The following SP140 variants were observed in gnomAD, a reference collection of about 807,000 sequenced individuals.
SP140 encodes nuclear body protein SP140.
In SP140, 81 loss-of-function variants were observed where a neutral mutation model predicts 125.0. The ratio of observed to expected loss-of-function variants is 0.65; its 90% confidence interval spans 0.54 to 0.78. SP140 has a LOEUF of 0.78. SP140 is among the 30% of genes least tolerant of loss of function. The pLI is 0.00. For missense variants in SP140, 858 were observed against 1,037.0 expected, an observed-to-expected ratio of 0.83 and a Z score of 2.37; for synonymous variants, 312 against 354.0, an observed-to-expected ratio of 0.88 and a Z score of 1.33.
rs753756074 is a variant in SP140, at chr2:230,312,765, G to A, written c.*81G>A. 8.8e-6 allele frequency: 9 copies of A among 1,026,840 alleles called. No individual in the cohort carries two copies. The highest frequency in any genetic ancestry group is 1.4e-5 in the Non-Finnish European group (9 of 655,794). 63.6% of individuals were successfully genotyped at this position (1,026,840 alleles called of 1,614,324 possible). On this transcript the variant is annotated 3_prime_UTR_variant, in exon 27 of 27. Transcript: ENST00000392045. ...GGTTTGCCACTGACTTCAAAATGAGGTCACTTGGGCACAGCACATGCAGGG... is the reference window on the plus strand; with the variant it reads ...GGTTTGCCACTGACTTCAAAATGAGATCACTTGGGCACAGCACATGCAGGG...
intron 12 of SP140, among the ~76,000 whole-genome samples, chr2:230,257,465 G>C (rs1156527161): frequency 6.6e-6 from 1 of 152,146 alleles, no homozygotes; most frequent in African/African-American, 2.4e-5. Flanking sequence ...GATATCACTA[G>C]TAGAAGGGGC....
At chr2:230,229,569 G>A (rs947637568) in intron 1 of SP140, among the ~76,000 whole-genome samples, 5 of 136,476 alleles carry the variant, frequency 3.7e-5, no homozygotes, top group South Asian at 2.5e-4. Context: ...CTGGGTTCAC[G>A]CCATTCTCCT....
At chr2:230,267,946 G>A (rs888549490) in intron 12 of SP140, among the ~76,000 whole-genome samples, 15 of 152,206 alleles carry the variant, frequency 9.9e-5, no homozygotes, top group African/African-American at 3.6e-4. Flanking sequence ...TTTGGCTACT[G>A]TCTAATGGAC....
At chr2:230,203,700 A>G (rs1048149381) in intron 1 of SP140, 3 of 152,218 alleles carry the variant, frequency 2.0e-5, no homozygotes, top group Non-Finnish European at 4.4e-5. Context: ...TGTGGTATGT[A>G]TATTTTCAGC....
chr2:230,254,848 C>T lies in SP140; in HGVS notation c.1160-604C>T, dbSNP rs181781369. 7.9e-3 allele frequency among the ~76,000 whole-genome samples: 1,200 copies of T among 152,290 alleles called. 9 individuals carry two copies. Among genetic ancestry groups the T allele is most frequent in the South Asian group, 0.018 (85 of 4,818 alleles). The stretch of plus-strand genomic sequence containing the variant: ...TCTCATCTCTACTAATGGCATCAAT[C>T]ATTTCAGGAGCTGCAATGATCTGAT... On this transcript the variant is annotated intron_variant, in intron 11 of 26. Coordinates refer to ENST00000392045, the MANE Select transcript of SP140 (RefSeq NM_007237.5).
At chr2:230,249,370 C>G (rs77796050) in intron 9 of SP140, among the ~76,000 whole-genome samples, 1 of 152,088 alleles carries the variant, frequency 6.6e-6, no homozygotes, top group Non-Finnish European at 1.5e-5. Flanking sequence ...TGTGAAAGAC[C>G]GAAGGCTTGC....
chr2:230,269,940 G>C lies in SP140; in HGVS notation c.1431G>C (p.Ala477=). The change falls in exon 14 of 27, where the codon GCG becomes GCC. Residue 477 remains alanine, a synonymous_variant. Coordinates refer to ENST00000392045, the MANE Select transcript of SP140 (RefSeq NM_007237.5). ...AAGCAAGGACGGAAAGTGATCAAGCGTGTGGCACAATGGGTAAGGCTGTCT... is the reference window on the plus strand; with the variant it reads ...AAGCAAGGACGGAAAGTGATCAAGCCTGTGGCACAATGGGTAAGGCTGTCT... ...SPEARTESDQ[A]CGTMDTVDIA... is the part of the protein sequence containing the mutation. The C allele has an allele frequency of 6.2e-7, 1 of 1,613,148 alleles. No homozygotes were observed.
At chr2:230,253,261 G>T in intron 10 of SP140, 55 bp from the exon 11 acceptor site, 1 of 1,285,490 alleles carries the variant, frequency 7.8e-7, no homozygotes, top group Non-Finnish European at 1.1e-6. Flanking sequence ...TTCCCATCTT[G>T]GATGGCGTGA....
Position 230,278,514 on chromosome 2 carries a change from A to T in SP140, c.1499-5832A>T, listed in dbSNP as rs118183295. Among the ~76,000 whole-genome samples the T allele has an allele frequency of 1.4e-4, 22 of 152,100 alleles. No homozygotes were observed. The East Asian group carries it at 3.3e-3, about 23-fold the overall frequency. On this transcript the variant is annotated intron_variant, in intron 15 of 26. Transcript: ENST00000392045. ...AAGCTTTTTAGAGTGATGTAGGTCC[A>T]CTTGTTTATTTTTGCTTTTGTTCCT...
At chr2:230,203,828 T>C (rs901249750) in intron 1 of SP140, 1 of 152,152 alleles carries the variant, frequency 6.6e-6, no homozygotes, top group African/African-American at 2.4e-5. Context: ...AATATCTCTG[T>C]TGGGCTGCGG....
At chr2:230,205,148 T>C (rs2043625521) in intron 1 of SP140, among the ~76,000 whole-genome samples, 1 of 152,180 alleles carries the variant, frequency 6.6e-6, no homozygotes, top group African/African-American at 2.4e-5. Flanking sequence ...CCAATAGACC[T>C]TGTCAATATG....
the SP140 span, among the ~76,000 whole-genome samples, chr2:230,195,197 GT>G: frequency 1.3e-5 from 2 of 151,516 alleles, no homozygotes; most frequent in African/African-American, 4.9e-5. Flanking sequence ...TTTTTTTCCT[GT>G]TTTCCCTGAC....
At position 230,229,456 on chromosome 2, in the gene SP140, C is replaced by CTTTTTTT. The variant is rs1163771237; in HGVS notation, c.59+3576_59+3582dup. Among the ~76,000 whole-genome samples, 19 of 57,596 alleles carry CTTTTTTT rather than the reference C, an allele frequency of 3.3e-4. 3 individuals carry two copies. The highest frequency in any genetic ancestry group is 4.8e-4 in the African/African-American group (8 of 16,658). 37.8% of individuals were successfully genotyped at this position (57,596 alleles called of 152,430 possible). ...ATTTTTCCCTTTGCATGAAGAAATT[C>CTTTTTTT]TTTTTTTTTTTTTTTTTTTTTTTTT... On this transcript the variant is annotated intron_variant, in intron 1 of 26. Transcript: ENST00000392045.
chr2:230,307,250 G>A (rs968533683), intron 22 of SP140, among the ~76,000 whole-genome samples: 1 of 152,206 alleles, frequency 6.6e-6, no homozygotes, highest in Non-Finnish European at 1.5e-5. Context: ...GCTCGGTAAA[G>A]CTCCTCTTCG....
Position 230,312,821 on chromosome 2 carries a change from C to T in SP140, c.*137C>T, listed in dbSNP as rs879944140. ...CTTTTCTCTGAGCCTCCTTCATCTG[C>T]CCAAAGACAAATCCTCAAAAGGAAA... is the stretch of plus-strand genomic sequence containing the variant. On this transcript the variant is annotated 3_prime_UTR_variant, in exon 27 of 27. Coordinates refer to ENST00000392045, the MANE Select transcript of SP140 (RefSeq NM_007237.5). 4.7e-5 allele frequency: 30 copies of T among 632,456 alleles called. No individual in the cohort carries two copies. The highest frequency in any genetic ancestry group is 8.2e-5 in the Non-Finnish European group (29 of 352,028). 39.2% of individuals were successfully genotyped at this position (632,456 alleles called of 1,614,324 possible).
chr2:230,263,941 A>G (rs1575093525), intron 12 of SP140, among the ~76,000 whole-genome samples: 2 of 152,176 alleles, frequency 1.3e-5, no homozygotes, highest in African/African-American at 2.4e-5. Context: ...CCTGATGACA[A>G]TGTGCCTAGG....
At chr2:230,300,785 A>G (rs1359242693) in intron 22 of SP140, among the ~76,000 whole-genome samples, 1 of 152,242 alleles carries the variant, frequency 6.6e-6, no homozygotes, top group Non-Finnish European at 1.5e-5. Flanking sequence ...CCAGCAATGG[A>G]TCCAAACCAA....
intron 15 of SP140, among the ~76,000 whole-genome samples, chr2:230,276,424 T>C (rs545035786): frequency 6.6e-6 from 1 of 152,298 alleles, no homozygotes; most frequent in East Asian, 1.9e-4. Context: ...GTTTACAACA[T>C]GGTTTACTGA....
At chr2:230,267,274 G>T (rs900899748) in intron 12 of SP140, among the ~76,000 whole-genome samples, 3 of 152,208 alleles carry the variant, frequency 2.0e-5, no homozygotes, top group African/African-American at 7.2e-5. Context: ...CATCCGTAGT[G>T]TAGGTATACT....
Sources: allele counts gnomAD v4.1 joint callset (sites outside exome capture counted in the v4.1 genomes callset), GRCh38; gene constraint gnomAD v4.1.1; transcripts MANE v1.5; gene names NCBI Gene and HGNC (gene_info 2026-07-23, HGNC 2026-07-21).